The following PPP1R3A variants were observed in gnomAD, a reference collection of about 807,000 sequenced individuals.
PPP1R3A encodes the protein protein phosphatase 1 regulatory subunit 3A.
A neutral mutation model predicts 41.7 loss-of-function variants in PPP1R3A; 29 were observed. That is an observed-to-expected ratio of 0.70 (90% CI 0.52 to 0.95). The LOEUF is 0.95. PPP1R3A is among the 40% of genes least tolerant of loss of function. PPP1R3A has a pLI of 0.00. For missense variants in PPP1R3A, 1,352 were observed against 1,292.4 expected (o/e 1.05, Z -0.71); for synonymous variants, 485 against 453.4 (o/e 1.07, Z -0.89).
intron 1 of PPP1R3A, among the ~76,000 whole-genome samples, chr7:113,894,044 T>C (rs1213609913): frequency 6.6e-6 from 1 of 151,866 alleles, no homozygotes; most frequent in East Asian, 1.9e-4. Context: ...CCAAAGGAAA[T>C]AGGGAGAAAA....
chr7:113,889,720 G>A (rs1796845982), intron 1 of PPP1R3A, among the ~76,000 whole-genome samples: 1 of 152,134 alleles, frequency 6.6e-6, no homozygotes, highest in African/African-American at 2.4e-5. Context: ...CCAGGCAATA[G>A]TTACACTTGT....
chr7:113,880,336 G>A (rs1215336916), intron 3 of PPP1R3A, among the ~76,000 whole-genome samples: 1 of 151,860 alleles, frequency 6.6e-6, no homozygotes, highest in Non-Finnish European at 1.5e-5. Context: ...TAAGAAAGGG[G>A]GCCCAAATTT....
intron 1 of PPP1R3A, among the ~76,000 whole-genome samples, chr7:113,899,875 A>G (rs1033690573): frequency 1.3e-5 from 2 of 151,792 alleles, no homozygotes; most frequent in African/African-American, 4.8e-5. Flanking sequence ...TGTGAAATTA[A>G]GACCTTTAGT....
intron 1 of PPP1R3A, among the ~76,000 whole-genome samples, chr7:113,887,586 A>T (rs1796806512): frequency 6.6e-6 from 1 of 152,198 alleles, no homozygotes; most frequent in Non-Finnish European, 1.5e-5. Flanking sequence ...GACAGAAGTT[A>T]TCAGGAGACT....
intron 1 of PPP1R3A, among the ~76,000 whole-genome samples, chr7:113,914,320 T>TAAGTGTA (rs1797303757): frequency 6.6e-6 from 1 of 152,158 alleles, no homozygotes; most frequent in South Asian, 2.1e-4. Flanking sequence ...AAGTGTAAAC[T>TAAGTGTA]TTACTGAAAT....
chr7:113,917,965 A>G (rs1797368440), intron 1 of PPP1R3A, among the ~76,000 whole-genome samples: 1 of 152,144 alleles, frequency 6.6e-6, no homozygotes, highest in Non-Finnish European at 1.5e-5. Context: ...TCATTAGGCA[A>G]GTAATATACA....
At chr7:113,898,491 A>T (rs1468548598) in intron 1 of PPP1R3A, among the ~76,000 whole-genome samples, 1 of 151,750 alleles carries the variant, frequency 6.6e-6, no homozygotes, top group Non-Finnish European at 1.5e-5. Flanking sequence ...GTGTCCAACA[A>T]AAACAACTAA....
chr7:113,887,712 A>G (rs949527441), intron 1 of PPP1R3A, among the ~76,000 whole-genome samples: 2 of 152,088 alleles, frequency 1.3e-5, no homozygotes, highest in East Asian at 3.9e-4. Context: ...AGAGGGAACA[A>G]CAGGTCGCCA....
chr7:113,900,937 A>G (rs1797051373), intron 1 of PPP1R3A, among the ~76,000 whole-genome samples: 1 of 151,604 alleles, frequency 6.6e-6, no homozygotes, highest in South Asian at 2.1e-4. Context: ...TACAATGATT[A>G]AGTTTTTTTT....
chr7:113,885,434 C>T (rs1796767818), intron 1 of PPP1R3A, among the ~76,000 whole-genome samples: 1 of 152,110 alleles, frequency 6.6e-6, no homozygotes, highest in Non-Finnish European at 1.5e-5. Context: ...CTTCAAAATT[C>T]AACATTTATA....
Position 113,915,616 on chromosome 7 carries a change from CATACATATAT to C in PPP1R3A, c.782+2589_782+2598del, listed in dbSNP as rs946636206. 6.1e-5 allele frequency among the ~76,000 whole-genome samples: 9 copies of C among 148,566 alleles called. 1 individual carries two copies. Among genetic ancestry groups the C allele is most frequent in the South Asian group, 2.1e-4 (1 of 4,782 alleles). The stretch of plus-strand genomic sequence containing the variant: ...ATATATACATATACATATATATACA[CATACATATAT>C]ATACATATATATATTCTGTTTTTAC... On this transcript the variant is annotated intron_variant, in intron 1 of 3. Transcript: ENST00000284601.
At chr7:113,886,730 G>C (rs903836697) in intron 1 of PPP1R3A, among the ~76,000 whole-genome samples, 49 of 152,198 alleles carry the variant, frequency 3.2e-4, no homozygotes, top group Middle Eastern at 3.4e-3. Context: ...GCCCACATTA[G>C]AGGCCACTCT....
At chr7:113,898,619 A>G (rs1038798640) in intron 1 of PPP1R3A, among the ~76,000 whole-genome samples, 8 of 151,844 alleles carry the variant, frequency 5.3e-5, no homozygotes, top group African/African-American at 1.9e-4. Flanking sequence ...CCTGGCCTAC[A>G]CAAACTACAG....
intron 1 of PPP1R3A, among the ~76,000 whole-genome samples, chr7:113,897,030 G>A (rs1429679868): frequency 6.6e-6 from 1 of 151,788 alleles, no homozygotes; most frequent in Non-Finnish European, 1.5e-5. Flanking sequence ...TGGAAAATAT[G>A]TTATGGTATA....
In PPP1R3A at chr7:113,879,020, T is replaced by C. The variant is rs777227336; in HGVS notation, c.2072A>G (p.Asn691Ser). The C allele has an allele frequency of 5.0e-6, 8 of 1,613,502 alleles. No individual in the cohort carries two copies. The highest frequency in any genetic ancestry group is 6.8e-6 in the Non-Finnish European group (8 of 1,179,794). The part of the protein sequence containing the change: ...DCEDVWGKRD[N>S]TRSLKATTEE... ...TGTAGTAGCTTTCAAACTCCTCGTA[T>C]TATCTCTTTTTCCCCACACGTCTTC... The change falls in exon 4 of 4, where the codon AAT (asparagine) becomes AGT (serine). Residue 691 changes from asparagine to serine, a missense_variant. Transcript: ENST00000284601.
chr7:113,878,536 A>T lies in PPP1R3A; in HGVS notation c.2556T>A (p.Ile852=), dbSNP rs1352223046. 6.2e-7 allele frequency: 1 copy of T among 1,613,516 alleles called. No individual in the cohort carries two copies. The highest frequency in any genetic ancestry group is 2.2e-5 in the East Asian group (1 of 44,818). The part of the protein sequence containing the change: ...ITSVEESSWV[I]TEYQKATSKL... The stretch of plus-strand genomic sequence containing the variant: ...TTGAAGTTGCTTTTTGATATTCTGT[A>T]ATGACCCATGAGGATTCTTCCACAG... The change falls in exon 4 of 4, where the codon ATT becomes ATA. Residue 852 remains isoleucine, a synonymous_variant. Coordinates refer to ENST00000284601, the MANE Select transcript of PPP1R3A (RefSeq NM_002711.4).
In PPP1R3A at chr7:113,918,492, G is replaced by A. The variant is rs748704853; in HGVS notation, c.505C>T (p.His169Tyr). ...ACATATTCTGCTAAAATGTCATAAT[G>A]TGTCTGCCAGTCATCTAAAGACATT... The part of the protein sequence containing the change: ...VRMSLDDWQT[H>Y]YDILAEYVPN... The change falls in exon 1 of 4, where the codon CAT becomes TAT. Residue 169 changes from histidine (H) to tyrosine (Y), a missense_variant. Physicochemically the swap from His to Tyr is moderately conservative, Grantham distance 83 (BLOSUM62 2). Transcript: ENST00000284601. The A allele has an allele frequency of 6.2e-7, 1 of 1,613,084 alleles. No individual in the cohort carries two copies. The highest frequency in any genetic ancestry group is 8.5e-7 in the Non-Finnish European group (1 of 1,179,622).
At chr7:113,913,381 C>G (rs1797284074) in intron 1 of PPP1R3A, among the ~76,000 whole-genome samples, 1 of 152,040 alleles carries the variant, frequency 6.6e-6, no homozygotes, top group South Asian at 2.1e-4. Context: ...ATTTTACCAC[C>G]CTGAAAGATA....
At chr7:113,882,503 G>A (rs1796711240) in intron 1 of PPP1R3A, among the ~76,000 whole-genome samples, 183 bp from the exon 2 acceptor site, 1 of 151,860 alleles carries the variant, frequency 6.6e-6, no homozygotes, top group South Asian at 2.1e-4. Flanking sequence ...GCAATAGTAA[G>A]TATTGGTTGT....
Sources: allele counts gnomAD v4.1 joint callset (sites outside exome capture counted in the v4.1 genomes callset), GRCh38; gene constraint gnomAD v4.1.1; transcripts MANE v1.5; gene names NCBI Gene and HGNC (gene_info 2026-07-23, HGNC 2026-07-21).